Variants in VEPH1 observed in about 807,000 individuals in gnomAD.
VEPH1 encodes the protein ventricular zone expressed PH domain containing 1, also known as ventricular zone-expressed PH domain-containing protein homolog 1.
VEPH1 carries 80 observed loss-of-function variants against 85.2 expected under a neutral mutation model. The observed-to-expected ratio is 0.94, with a 90% CI of 0.78 to 1.13. The LOEUF is 1.13. VEPH1 is among the 50% of genes most tolerant of loss of function. The pLI is 0.00. For synonymous variants in VEPH1, 297 were observed against 348.0 expected, an observed-to-expected ratio of 0.85 and a Z score of 1.63; for missense variants, 955 against 980.5, an observed-to-expected ratio of 0.97 and a Z score of 0.35.
intron 11 of VEPH1, among the ~76,000 whole-genome samples, chr3:157,312,991 G>C (rs2108511529): frequency 7.4e-6 from 1 of 134,398 alleles, no homozygotes; most frequent in South Asian, 2.5e-4. Context: ...TGCAAGCTCC[G>C]CCTCCCGGGT....
chr3:157,277,839 G>T (rs927156596), intron 12 of VEPH1, among the ~76,000 whole-genome samples: 1 of 152,138 alleles, frequency 6.6e-6, no homozygotes, highest in Admixed American at 6.5e-5. Flanking sequence ...CTTATATAAA[G>T]AATATATTTG....
chr3:157,453,278 G>A (rs1560074194), intron 4 of VEPH1, among the ~76,000 whole-genome samples: 1 of 152,132 alleles, frequency 6.6e-6, no homozygotes, highest in Non-Finnish European at 1.5e-5. Context: ...AGGCATGTGT[G>A]CCAAGGAGGA....
chr3:157,264,247 C>A (rs1436150950), intron 13 of VEPH1, among the ~76,000 whole-genome samples: 1 of 152,202 alleles, frequency 6.6e-6, no homozygotes, highest in Admixed American at 6.5e-5. Context: ...ATCCCTCCCC[C>A]CAGCTCACTG....
At chr3:157,398,683 C>A (rs1560032083) in intron 6 of VEPH1, among the ~76,000 whole-genome samples, 1 of 151,788 alleles carries the variant, frequency 6.6e-6, no homozygotes, top group African/African-American at 2.4e-5. Flanking sequence ...GAGCCTTGCT[C>A]TAGAATCCTA....
At chr3:157,279,765 C>T (rs1329183017) in intron 12 of VEPH1, among the ~76,000 whole-genome samples, 1 of 152,062 alleles carries the variant, frequency 6.6e-6, no homozygotes, top group Non-Finnish European at 1.5e-5. Flanking sequence ...CGCTGGTAAT[C>T]CCAGCACTTT....
chr3:157,439,988 G>A (rs886456422), intron 4 of VEPH1, among the ~76,000 whole-genome samples: 1 of 152,104 alleles, frequency 6.6e-6, no homozygotes, highest in Non-Finnish European at 1.5e-5. Flanking sequence ...CTGACCTTGT[G>A]ATCCACCCGC....
rs556603096 is a variant in VEPH1 at position 157,389,262 on chromosome 3, T to C, written c.907-7886A>G. Among the ~76,000 whole-genome samples, 4 of 152,302 alleles carry C rather than the reference T, an allele frequency of 2.6e-5. No individual in the cohort carries two copies. In the East Asian group the frequency reaches 7.7e-4, roughly 29 times the overall value. ...CTCCATGAGGCATATCACAGTCTTC[T>C]TGTGGTTAGGAACACTAGAGAGCAC... On this transcript the variant is annotated intron_variant, in intron 6 of 13. Coordinates refer to ENST00000362010, the MANE Select transcript of VEPH1 (RefSeq NM_001167912.2).
At chr3:157,416,860 GAGAA>G (rs1006483919) in intron 5 of VEPH1, among the ~76,000 whole-genome samples, 29 of 147,974 alleles carry the variant, frequency 2.0e-4, no homozygotes, top group African/African-American at 6.3e-4. Flanking sequence ...AAGAGAGAAA[GAGAA>G]AGAAAGACAG....
chr3:157,435,885 A>G (rs1577649132), intron 4 of VEPH1, among the ~76,000 whole-genome samples: 1 of 152,322 alleles, frequency 6.6e-6, no homozygotes, highest in African/African-American at 2.4e-5. Context: ...ACATAATACC[A>G]AGTTATGAAA....
At chr3:157,481,683 C>T (rs1410598933) in intron 2 of VEPH1, among the ~76,000 whole-genome samples, 1 of 152,014 alleles carries the variant, frequency 6.6e-6, no homozygotes, top group Non-Finnish European at 1.5e-5. Flanking sequence ...TTTCCCAAGA[C>T]CAATGTCCAA....
At chr3:157,503,048 A>C (rs1577834152) in intron 1 of VEPH1, among the ~76,000 whole-genome samples, 1 of 152,312 alleles carries the variant, frequency 6.6e-6, no homozygotes, top group East Asian at 1.9e-4. Context: ...GACATGTTTT[A>C]ATAACCCACA....
intron 3 of VEPH1, among the ~76,000 whole-genome samples, chr3:157,464,067 CAT>C (rs1301347931): frequency 6.6e-6 from 1 of 152,158 alleles, no homozygotes; most frequent in African/African-American, 2.4e-5. Context: ...ACTGATCAAA[CAT>C]GTGGTGTTTA....
chr3:157,326,164 A>C (rs1204523119), intron 9 of VEPH1, among the ~76,000 whole-genome samples: 1 of 152,166 alleles, frequency 6.6e-6, no homozygotes, highest in Non-Finnish European at 1.5e-5. Flanking sequence ...AATGCAAGTG[A>C]TTTTTGAGCA....
chr3:157,392,552 A>G (rs1330001922), intron 6 of VEPH1, among the ~76,000 whole-genome samples: 2 of 152,304 alleles, frequency 1.3e-5, no homozygotes, highest in African/African-American at 4.8e-5. Context: ...CCTGGGCCAC[A>G]TCGGAAGAAG....
intron 6 of VEPH1, among the ~76,000 whole-genome samples, chr3:157,391,852 T>C (rs986963412): frequency 6.6e-6 from 1 of 152,020 alleles, no homozygotes; most frequent in Non-Finnish European, 1.5e-5. Context: ...AAAGGGCAGG[T>C]CACATACAAA....
intron 5 of VEPH1, among the ~76,000 whole-genome samples, chr3:157,417,453 G>A (rs1732009845): frequency 6.6e-6 from 1 of 152,102 alleles, no homozygotes; most frequent in Non-Finnish European, 1.5e-5. Context: ...TTCTGTTCAG[G>A]CTCCTCACTG....
intron 2 of VEPH1, among the ~76,000 whole-genome samples, chr3:157,478,859 TC>T (rs1014336373): frequency 5.3e-4 from 81 of 152,306 alleles, no homozygotes; most frequent in African/African-American, 1.9e-3. Context: ...GCTATGAATT[TC>T]TTATTACACA....
chr3:157,480,264 GTATT>G (rs563561031), intron 2 of VEPH1, among the ~76,000 whole-genome samples: 49 of 151,924 alleles, frequency 3.2e-4, no homozygotes, highest in African/African-American at 1.0e-3. Context: ...GTCTGGGAAA[GTATT>G]TATCTCTCAC....
At chr3:157,450,616 CTATA>C (rs1356555453) in intron 4 of VEPH1, among the ~76,000 whole-genome samples, 1 of 150,992 alleles carries the variant, frequency 6.6e-6, no homozygotes, top group East Asian at 1.9e-4. Context: ...CATTATCTAT[CTATA>C]TATCTCCTCT....
Sources: gnomAD v4.1 joint callset for allele counts (sites outside exome capture counted in the v4.1 genomes callset) on GRCh38, gnomAD v4.1.1 for gene constraint, MANE v1.5 for transcripts, NCBI Gene and HGNC (gene_info 2026-07-23, HGNC 2026-07-21) for gene names.